The following DAW1 variants were observed in gnomAD, a reference collection of about 807,000 sequenced individuals.
DAW1 encodes the protein dynein assembly factor with WD repeats 1.
A neutral mutation model predicts 56.5 loss-of-function variants in DAW1; 47 were observed. That is an observed-to-expected ratio of 0.83 (90% CI 0.66 to 1.06). The LOEUF is 1.06. Among genes scored for constraint, DAW1 ranks in the 50% least tolerant of loss-of-function variants. The probability of loss-of-function intolerance (pLI) is 0.00; values close to 1 mark genes in which losing one functional copy is unlikely to be tolerated. For synonymous variants in DAW1, 190 were observed against 179.0 expected (o/e 1.06, Z -0.49); for missense variants, 505 against 499.3 (o/e 1.01, Z -0.11).
At position 227,871,681 on chromosome 2, in the gene DAW1, A is replaced by G. The variant is rs780051942; in HGVS notation, c.-9A>G. 1.9e-6 allele frequency: 3 copies of G among 1,613,522 alleles called. No individual in the cohort carries two copies. In the South Asian group the frequency reaches 3.3e-5, roughly 18 times the overall value. ...GAAGCCCATCGGCCGGGGATAAGAGAGCAAGAAAATGAAGCTCAAGAGCCT... is the reference window on the plus strand; with the variant it reads ...GAAGCCCATCGGCCGGGGATAAGAGGGCAAGAAAATGAAGCTCAAGAGCCT... On this transcript the variant is annotated 5_prime_UTR_variant, in exon 1 of 13. Transcript: ENST00000309931.
chr2:227,909,820 T>C (rs1691774814), intron 10 of DAW1, among the ~76,000 whole-genome samples: 1 of 152,196 alleles, frequency 6.6e-6, no homozygotes, highest in South Asian at 2.1e-4. Flanking sequence ...GATTGGATGA[T>C]GCCTGCCCAC....
intron 10 of DAW1, among the ~76,000 whole-genome samples, chr2:227,908,003 G>T (rs1043925137): frequency 3.9e-5 from 6 of 151,990 alleles, no homozygotes; most frequent in African/African-American, 1.5e-4. Flanking sequence ...GCTATACATT[G>T]TCTCTTTGAT....
chr2:227,886,652 A>G (rs549521044), intron 2 of DAW1, among the ~76,000 whole-genome samples: 1 of 152,266 alleles, frequency 6.6e-6, no homozygotes, highest in Non-Finnish European at 1.5e-5. Context: ...ACAAAACTCC[A>G]CTTCAAGGCC....
chr2:227,879,510 G>C (rs1270572482), intron 1 of DAW1, among the ~76,000 whole-genome samples: 1 of 151,830 alleles, frequency 6.6e-6, no homozygotes, highest in Non-Finnish European at 1.5e-5. Context: ...TAACTGTGTG[G>C]TATCTTTTAT....
intron 5 of DAW1, among the ~76,000 whole-genome samples, chr2:227,896,852 C>A (rs1366968728): frequency 1.3e-5 from 2 of 151,254 alleles, no homozygotes; most frequent in African/African-American, 4.9e-5. Flanking sequence ...TGTTTGAGGG[C>A]CAGGAAGAAT....
chr2:227,871,768 C>G (rs753370260), intron 1 of DAW1, 39 bp downstream of exon 1: 1 of 1,612,400 alleles, frequency 6.2e-7, no homozygotes, highest in South Asian at 1.1e-5. Flanking sequence ...CACGTGGGAC[C>G]CTGGGCTCCC....
At chr2:227,923,517 A>G (rs1692155460) in intron 12 of DAW1, among the ~76,000 whole-genome samples, 1 of 152,186 alleles carries the variant, frequency 6.6e-6, no homozygotes, top group Non-Finnish European at 1.5e-5. Flanking sequence ...TAAAATTTTG[A>G]AATGTTCCAA....
intron 1 of DAW1, among the ~76,000 whole-genome samples, chr2:227,881,748 T>C (rs868365541): frequency 1.3e-4 from 6 of 47,154 alleles, no homozygotes; most frequent in African/African-American, 3.6e-4. Flanking sequence ...ACATTCTTTT[T>C]TTTTTTTTTT....
At chr2:227,888,447 A>G (rs936882592) in intron 2 of DAW1, among the ~76,000 whole-genome samples, 4 of 152,244 alleles carry the variant, frequency 2.6e-5, no homozygotes, top group African/African-American at 9.6e-5. Flanking sequence ...AGGCGGGACA[A>G]CAGAATCTCT....
chr2:227,891,224 G>A (rs1691259288), intron 3 of DAW1, 31 bp from the exon 4 acceptor site: 1 of 1,597,644 alleles, frequency 6.3e-7, no homozygotes, highest in Admixed American at 1.7e-5. Flanking sequence ...TTTGGTTTGA[G>A]TCTAAAAAAT....
chr2:227,914,652 C>T (rs1691909635), intron 10 of DAW1, among the ~76,000 whole-genome samples: 1 of 152,048 alleles, frequency 6.6e-6, no homozygotes, highest in South Asian at 2.1e-4. Flanking sequence ...CCTCATCTCA[C>T]TGATGATCAC....
intron 3 of DAW1, among the ~76,000 whole-genome samples, chr2:227,890,314 G>A (rs1370748019): frequency 2.0e-5 from 3 of 152,028 alleles, no homozygotes; most frequent in African/African-American, 7.2e-5. Context: ...TTAAAGTAAC[G>A]TTAAGAAGTT....
Position 227,903,013 on chromosome 2 carries a change from A to G in DAW1, c.552A>G (p.Ser184=), listed in dbSNP as rs1244966956. The G allele has an allele frequency of 1.2e-6, 2 of 1,614,016 alleles. No homozygotes were observed. The highest frequency in any genetic ancestry group is 1.6e-4 in the Middle Eastern group (1 of 6,084). ...TTTATGTAATTTAGGTGTGTTTATC[A>G]TTTAACCCTCAAAGCACATTGGTGG... The part of the protein sequence containing the change: ...RGHTAEIVCL[S]FNPQSTLVAT... The change falls in exon 7 of 13, where the codon TCA becomes TCG. Residue 184 remains serine, a synonymous_variant. Transcript: ENST00000309931.
chr2:227,889,833 A>T (rs1298538615), intron 2 of DAW1, 23 bp from the exon 3 acceptor site: 1 of 1,535,530 alleles, frequency 6.5e-7, no homozygotes, highest in Admixed American at 2.4e-5. Context: ...AATAAAAGAA[A>T]CTCTTTTTTG....
intron 4 of DAW1, among the ~76,000 whole-genome samples, chr2:227,892,308 AT>A: frequency 6.6e-6 from 1 of 151,504 alleles, no homozygotes; most frequent in South Asian, 2.1e-4. Context: ...AATTTTTTGT[AT>A]TTTTAGCAGA....
At chr2:227,914,255 C>G (rs1691899067) in intron 10 of DAW1, among the ~76,000 whole-genome samples, 1 of 151,996 alleles carries the variant, frequency 6.6e-6, no homozygotes, top group Non-Finnish European at 1.5e-5. Flanking sequence ...TGGGTCATTT[C>G]TCTGACCATA....
intron 1 of DAW1, among the ~76,000 whole-genome samples, chr2:227,873,809 T>C (rs532538664): frequency 6.6e-6 from 1 of 152,310 alleles, no homozygotes; most frequent in African/African-American, 2.4e-5. Context: ...GCCTCCCAGG[T>C]AGCTGGAATC....
intron 6 of DAW1, among the ~76,000 whole-genome samples, chr2:227,901,434 A>G (rs746735069): frequency 1.2e-4 from 18 of 152,170 alleles, no homozygotes; most frequent in Non-Finnish European, 2.5e-4. Context: ...AGGTCTGGGA[A>G]AGAGACTTGG....
intron 11 of DAW1, 57 bp from the exon 12 acceptor site, chr2:227,921,342 G>C: frequency 9.9e-6 from 2 of 201,104 alleles, no homozygotes; most frequent in Non-Finnish European, 1.8e-5. Context: ...TTGCTGATAA[G>C]AAATGTTTTG....
Sources: gnomAD v4.1 joint callset for allele counts (sites outside exome capture counted in the v4.1 genomes callset) on GRCh38, gnomAD v4.1.1 for gene constraint, MANE v1.5 for transcripts, NCBI Gene and HGNC (gene_info 2026-07-23, HGNC 2026-07-21) for gene names.